TAS2R1: variants seen among roughly 807,000 people sequenced by gnomAD.
TAS2R1 encodes the protein taste receptor type 2 member 1.
For missense variants in TAS2R1, 370 were observed against 353.4 expected, an observed-to-expected ratio of 1.05 and a Z score of -0.38; for synonymous variants, 141 against 134.2, an observed-to-expected ratio of 1.05 and a Z score of -0.35.
the TAS2R1 span, among the ~76,000 whole-genome samples, chr5:9,895,469 C>T: frequency 0.011 from 1,697 of 152,320 alleles, 7 homozygotes; most frequent in Non-Finnish European, 0.015. Flanking sequence ...GTGGCTGAGC[C>T]GGGCAGCAGG....
chr5:9,694,913 A>G (rs903387069), intron 1 of TAS2R1, among the ~76,000 whole-genome samples: 2 of 152,220 alleles, frequency 1.3e-5, no homozygotes, highest in Non-Finnish European at 2.9e-5. Flanking sequence ...AATCCATGAT[A>G]TCATTCAGTG....
the TAS2R1 span, among the ~76,000 whole-genome samples, chr5:9,899,078 C>T: frequency 1.2e-4 from 18 of 152,080 alleles, no homozygotes; most frequent in Non-Finnish European, 2.6e-4. Flanking sequence ...ACCCTTAGGA[C>T]ATAGAGTGAA....
chr5:9,875,704 G>A, the TAS2R1 span, among the ~76,000 whole-genome samples: 3 of 152,286 alleles, frequency 2.0e-5, no homozygotes, highest in East Asian at 3.9e-4. Context: ...TCGAATGGGA[G>A]GAGGGATGTG....
chr5:9,642,173 G>T (rs919970683), intron 2 of TAS2R1, among the ~76,000 whole-genome samples: 1 of 152,172 alleles, frequency 6.6e-6, no homozygotes, highest in Non-Finnish European at 1.5e-5. Context: ...TCATCAGGTA[G>T]AAGGCTGTAA....
chr5:9,754,275 T>C, the TAS2R1 span, among the ~76,000 whole-genome samples: 3 of 152,086 alleles, frequency 2.0e-5, no homozygotes, highest in Non-Finnish European at 4.4e-5. Flanking sequence ...ATAAGAGCTA[T>C]CTATGACAAA....
intron 2 of TAS2R1, chr5:9,641,744 A>T (rs990371392): frequency 1.3e-5 from 2 of 152,212 alleles, no homozygotes; most frequent in Non-Finnish European, 2.9e-5. Context: ...AACACAACAA[A>T]TACAATTTTT....
the TAS2R1 span, among the ~76,000 whole-genome samples, chr5:9,894,652 C>T: frequency 6.6e-6 from 1 of 152,190 alleles, no homozygotes; most frequent in Non-Finnish European, 1.5e-5. Flanking sequence ...TATGACAGCG[C>T]TAGCAAACTA....
At chr5:9,650,397 C>T (rs1740280020) in intron 2 of TAS2R1, among the ~76,000 whole-genome samples, 1 of 151,966 alleles carries the variant, frequency 6.6e-6, no homozygotes, top group Non-Finnish European at 1.5e-5. Context: ...GGTGCATTTT[C>T]TATACACTCC....
chr5:9,745,617 A>G, the TAS2R1 span, among the ~76,000 whole-genome samples: 2 of 152,162 alleles, frequency 1.3e-5, no homozygotes, highest in Admixed American at 6.6e-5. Context: ...AACACCACAC[A>G]TCTACAACCA....
chr5:9,755,415 T>C, the TAS2R1 span, among the ~76,000 whole-genome samples: 2 of 151,856 alleles, frequency 1.3e-5, no homozygotes, highest in African/African-American at 4.8e-5. Flanking sequence ...TGGTGAAACC[T>C]GTCTCTACTA....
chr5:9,842,312 C>CTT, the TAS2R1 span, among the ~76,000 whole-genome samples: 330 of 120,332 alleles, frequency 2.7e-3, 8 homozygotes, highest in Non-Finnish European at 3.0e-3. Context: ...GTCTTTCTTT[C>CTT]TCTCTTTTTT....
intron 2 of TAS2R1, among the ~76,000 whole-genome samples, chr5:9,638,622 C>A (rs1449245397): frequency 6.6e-6 from 1 of 152,152 alleles, no homozygotes; most frequent in African/African-American, 2.4e-5. Context: ...TGTAAGCTTG[C>A]CCTAAGATGG....
chr5:9,879,564 G>C, the TAS2R1 span, among the ~76,000 whole-genome samples: 6 of 152,228 alleles, frequency 3.9e-5, no homozygotes, highest in Middle Eastern at 3.4e-3. Context: ...AGCCCTCGAC[G>C]CAAGACAACA....
the TAS2R1 span, among the ~76,000 whole-genome samples, chr5:9,741,077 C>T: frequency 1.3e-5 from 2 of 152,192 alleles, no homozygotes; most frequent in African/African-American, 4.8e-5. Flanking sequence ...TCTTCCCATG[C>T]CATTCTTCAT....
chr5:9,647,372 G>C (rs1740212075), intron 2 of TAS2R1, among the ~76,000 whole-genome samples: 1 of 152,146 alleles, frequency 6.6e-6, no homozygotes, highest in Non-Finnish European at 1.5e-5. Flanking sequence ...AACTCAGTGG[G>C]TGGATGTTAT....
the TAS2R1 span, among the ~76,000 whole-genome samples, chr5:9,763,306 C>A: frequency 6.6e-6 from 1 of 152,094 alleles, no homozygotes; most frequent in East Asian, 1.9e-4. Context: ...AGATCGAGAC[C>A]ATCCTGGTCA....
the TAS2R1 span, among the ~76,000 whole-genome samples, chr5:9,848,325 C>G: frequency 6.6e-6 from 1 of 152,224 alleles, no homozygotes; most frequent in Admixed American, 6.5e-5. Flanking sequence ...GTTAATTAAT[C>G]TAGCTCCCTC....
the TAS2R1 span, among the ~76,000 whole-genome samples, chr5:9,856,616 C>T: frequency 6.6e-6 from 1 of 152,202 alleles, no homozygotes; most frequent in African/African-American, 2.4e-5. Flanking sequence ...ACCAGACATA[C>T]AGAAACTTGG....
At chr5:9,633,173 G>T (rs1325864537), upstream of TAS2R1, among the ~76,000 whole-genome samples, 1 of 150,990 alleles carries the variant, frequency 6.6e-6, no homozygotes, top group Non-Finnish European at 1.5e-5. Context: ...TAGGTAACTA[G>T]ATGCATTGTC....
Sources: gnomAD v4.1 joint callset for allele counts (sites outside exome capture counted in the v4.1 genomes callset) on GRCh38, gnomAD v4.1.1 for gene constraint, MANE v1.5 for transcripts, NCBI Gene and HGNC (gene_info 2026-07-23, HGNC 2026-07-21) for gene names.